SLC30A9: variants seen among roughly 807,000 people sequenced by gnomAD.
SLC30A9 encodes proton-coupled zinc antiporter SLC30A9, mitochondrial.
A neutral mutation model predicts 87.5 loss-of-function variants in SLC30A9; 58 were observed. The observed-to-expected ratio is 0.66, with a 90% CI of 0.54 to 0.82. The LOEUF (loss-of-function observed/expected upper bound fraction) is 0.82. Among genes scored for constraint, SLC30A9 ranks in the 40% least tolerant of loss-of-function variants. SLC30A9 has a pLI of 0.00. For missense variants in SLC30A9, 557 were observed against 679.1 expected (o/e 0.82, Z 2.00); for synonymous variants, 234 against 233.0 (o/e 1.00, Z -0.04).
intron 11 of SLC30A9, among the ~76,000 whole-genome samples, chr4:42,063,956 T>TA (rs1248922196): frequency 6.6e-6 from 1 of 152,196 alleles, no homozygotes; most frequent in Non-Finnish European, 1.5e-5. Context: ...ACCTGTGTGT[T>TA]AAAACAGACA....
chr4:42,085,614 T>G (rs1718897541), intron 17 of SLC30A9, among the ~76,000 whole-genome samples: 1 of 152,226 alleles, frequency 6.6e-6, no homozygotes, highest in African/African-American at 2.4e-5. Flanking sequence ...CTAGCTAAAC[T>G]GAGTCACTCA....
At chr4:42,026,160 C>T (rs932820845) in intron 6 of SLC30A9, among the ~76,000 whole-genome samples, 4 of 152,258 alleles carry the variant, frequency 2.6e-5, no homozygotes, top group Non-Finnish European at 2.9e-5. Flanking sequence ...AAGAGGACTG[C>T]ACTTAAATTA....
rs1714380277 is a variant in SLC30A9, at chr4:41,990,601, C to T, written c.-51C>T. ...CTATGGAGTCAGTTGGTACCGGTGG[C>T]GGCGCGGAGGCAGAAGGCGGTGTCC... is the stretch of plus-strand genomic sequence containing the variant. On this transcript the variant is annotated 5_prime_UTR_variant, in exon 1 of 18. Coordinates refer to ENST00000264451, the MANE Select transcript of SLC30A9 (RefSeq NM_006345.4). The T allele has an allele frequency of 8.8e-7, 1 of 1,138,638 alleles. No homozygotes were observed. Among genetic ancestry groups the T allele is most frequent in the Non-Finnish European group, 1.3e-6 (1 of 776,232 alleles). 70.5% of individuals were successfully genotyped at this position (1,138,638 alleles called of 1,614,324 possible). A position where few individuals can be genotyped will look rare whatever the true frequency, so the allele number is the denominator to read the frequency against.
intron 9 of SLC30A9, among the ~76,000 whole-genome samples, chr4:42,058,033 C>CA (rs763047590): frequency 2.1e-5 from 3 of 145,808 alleles, no homozygotes; most frequent in Non-Finnish European, 4.5e-5. Flanking sequence ...ACCTGGGAAG[C>CA]AGAGGTTACA....
intron 1 of SLC30A9, among the ~76,000 whole-genome samples, chr4:42,000,123 G>A (rs1714914305): frequency 6.6e-6 from 1 of 152,070 alleles, no homozygotes; most frequent in Admixed American, 6.6e-5. Context: ...AAAAAATCTA[G>A]CATCAAGTCA....
chr4:42,073,080 G>T (rs1000853291), intron 15 of SLC30A9, among the ~76,000 whole-genome samples: 1 of 151,176 alleles, frequency 6.6e-6, no homozygotes, highest in Non-Finnish European at 1.5e-5. Flanking sequence ...GGCCATGTTG[G>T]CCAGGCTGGT....
At chr4:42,060,545 T>G (rs1269034316) in intron 10 of SLC30A9, among the ~76,000 whole-genome samples, 2 of 152,144 alleles carry the variant, frequency 1.3e-5, no homozygotes, top group Non-Finnish European at 1.5e-5. Flanking sequence ...TTTTATTTGG[T>G]CCAAGGAAAC....
chr4:42,061,013 G>A (rs1215940763), intron 10 of SLC30A9, among the ~76,000 whole-genome samples: 1 of 152,060 alleles, frequency 6.6e-6, no homozygotes, highest in African/African-American at 2.4e-5. Context: ...TCTCTAGTGT[G>A]TTAATTACCC....
In SLC30A9 at chr4:42,006,631, G is replaced by A. The variant is rs187164684; in HGVS notation, c.274+4851G>A. On this transcript the variant is annotated intron_variant, in intron 2 of 17. Transcript: ENST00000264451. The stretch of plus-strand genomic sequence containing the variant: ...TAGCCTGAGAAGTCAAGGTTGCAGT[G>A]AGCCATGATAGTGCCACTGCACTCT... 2.5e-3 allele frequency among the ~76,000 whole-genome samples: 380 copies of A among 150,950 alleles called. 1 individual carries two copies. The highest frequency in any genetic ancestry group is 8.9e-3 in the African/African-American group (364 of 40,790).
chr4:42,075,923 C>A (rs539618736), intron 16 of SLC30A9, 137 bp downstream of exon 16: 4 of 745,056 alleles, frequency 5.4e-6, no homozygotes, highest in Non-Finnish European at 8.6e-6. Context: ...TTAACAGAGA[C>A]CTTTATATTT....
At chr4:42,040,840 C>T (rs1256919016) in intron 8 of SLC30A9, among the ~76,000 whole-genome samples, 5 of 150,806 alleles carry the variant, frequency 3.3e-5, no homozygotes, top group African/African-American at 1.2e-4. Context: ...GAAAAAGTGC[C>T]TGCAGAGGAG....
intron 16 of SLC30A9, 46 bp downstream of exon 16, chr4:42,075,832 T>G (rs774357397): frequency 1.3e-6 from 2 of 1,577,274 alleles, no homozygotes; most frequent in South Asian, 2.3e-5. Flanking sequence ...GTTAGAAAAA[T>G]GCTTTTAAGG....
Position 42,082,216 on chromosome 4 carries a change from CAAA to C in SLC30A9, c.1663-3854_1663-3852del, listed in dbSNP as rs372152135. Among the ~76,000 whole-genome samples, 318 of 136,500 alleles carry C rather than the reference CAAA, an allele frequency of 2.3e-3. 1 individual carries two copies. Among genetic ancestry groups the C allele is most frequent in the South Asian group, 4.6e-3 (21 of 4,584 alleles). 89.5% of individuals were successfully genotyped at this position (136,500 alleles called of 152,430 possible). On this transcript the variant is annotated intron_variant, in intron 17 of 17. Coordinates refer to ENST00000264451, the MANE Select transcript of SLC30A9 (RefSeq NM_006345.4). ...TGGGTGACAAACCGAGACTCCGTCT[CAAA>C]AAAAAAAAAAATAAATAAATAAAAT...
intron 6 of SLC30A9, 26 bp downstream of exon 6, chr4:42,023,410 G>A: frequency 7.0e-7 from 1 of 1,426,038 alleles, no homozygotes. Flanking sequence ...TTAAAGTCAA[G>A]TTAATTGAAA....
chr4:42,022,658 T>A (rs1716021734), intron 4 of SLC30A9, among the ~76,000 whole-genome samples, 180 bp from the exon 5 acceptor site: 1 of 152,210 alleles, frequency 6.6e-6, no homozygotes, highest in Admixed American at 6.5e-5. Flanking sequence ...TTTTTTTCAC[T>A]GTCTCTATTT....
chr4:42,050,193 T>C (rs1323990571), intron 9 of SLC30A9, among the ~76,000 whole-genome samples: 1 of 152,112 alleles, frequency 6.6e-6, no homozygotes, highest in African/African-American at 2.4e-5. Flanking sequence ...CCTGTGAACT[T>C]GTCTCACTCA....
chr4:42,049,390 T>G lies in SLC30A9; in HGVS notation c.751T>G (p.Cys251Gly). ...MVAICINGLN[C>G]FFKFLAWIYT... is the part of the protein sequence containing the mutation. ...TTTCTCTTCTAGCAATGGATTAAAC[T>G]GCTTCTTTAAATTTCTTGCCTGGAT... The change falls in exon 9 of 18, where the codon TGC (cysteine) becomes GGC (glycine). Residue 251 changes from cysteine to glycine, a missense_variant. Around this residue, in one of 2 missense-constraint regions of SLC30A9, gnomAD observed 467 missense variants for 529.8 expected, o/e 0.88. Coordinates refer to ENST00000264451, the MANE Select transcript of SLC30A9 (RefSeq NM_006345.4). 1 of 1,609,736 alleles carries G rather than the reference T, an allele frequency of 6.2e-7. No homozygotes were observed.
chr4:42,039,094 C>A (rs771490026), intron 8 of SLC30A9, 41 bp downstream of exon 8: 2 of 1,369,764 alleles, frequency 1.5e-6, no homozygotes, highest in East Asian at 2.3e-5. Flanking sequence ...AGAATATATT[C>A]TTTTAAATAT....
At chr4:42,014,537 CAG>C (rs1715612733) in intron 2 of SLC30A9, among the ~76,000 whole-genome samples, 1 of 140,600 alleles carries the variant, frequency 7.1e-6, no homozygotes, top group Non-Finnish European at 1.5e-5. Context: ...AGCCTGGCGA[CAG>C]AGCGAGACTC....
Sources: allele counts gnomAD v4.1 joint callset (sites outside exome capture counted in the v4.1 genomes callset), GRCh38; gene constraint gnomAD v4.1.1; regional missense constraint gnomAD v4.1.1; transcripts MANE v1.5; gene names NCBI Gene and HGNC (gene_info 2026-07-23, HGNC 2026-07-21).